Variants in RBM12B observed in about 807,000 individuals in gnomAD.
The protein encoded by RBM12B is RNA-binding protein 12B.
A neutral mutation model predicts 34.3 loss-of-function variants in RBM12B; 10 were observed. That is an observed-to-expected ratio of 0.29 (90% CI 0.18 to 0.49). RBM12B has a LOEUF of 0.49. RBM12B is among the 20% of genes least tolerant of loss of function. The pLI is 0.99. For missense variants in RBM12B, 1,139 were observed against 1,262.7 expected (o/e 0.90, Z 1.48); for synonymous variants, 477 against 437.1 (o/e 1.09, Z -1.14).
chr8:93,736,191 TAAGA>T lies in RBM12B; in HGVS notation c.216_219del (p.Phe72LeufsTer11). On this transcript the variant is annotated frameshift_variant, in exon 4 of 4. Transcript: ENST00000520560. LOFTEE classifies it high-confidence loss of function. Reference sequence around the variant, plus strand: ...GTCTTCTGCATTTCTGCCTTGCTACTAAGAAAGAGCTCTACAGATGAATCCTTGA... The same window carrying T: ...GTCTTCTGCATTTCTGCCTTGCTACTAAGAGCTCTACAGATGAATCCTTGA... 2 of 1,614,182 alleles carry T rather than the reference TAAGA, an allele frequency of 1.2e-6. No individual in the cohort carries two copies. The highest frequency in any genetic ancestry group is 1.1e-5 in the South Asian group (1 of 91,082).
chr8:93,734,465 T>C lies in RBM12B; in HGVS notation c.1946A>G (p.Glu649Gly). 1 of 1,605,696 alleles carries C rather than the reference T, an allele frequency of 6.2e-7. No individual in the cohort carries two copies. The highest frequency in any genetic ancestry group is 8.5e-7 in the Non-Finnish European group (1 of 1,174,696). ...PTEDFRQLPE[E>G]DFRQPPEEDL... The stretch of plus-strand genomic sequence containing the variant: ...CTCCTCAGGGGGTTGCCTGAAGTCC[T>C]CCTCGGGGAGCTGCCTGAAGTCCTC... The change falls in exon 4 of 4, where the codon GAG (glutamate) becomes GGG (glycine). Residue 649 changes from glutamate to glycine, a missense_variant. Physicochemically the swap from Glu to Gly is moderately conservative, Grantham distance 98. Around this residue, in one of 3 missense-constraint regions of RBM12B, gnomAD observed 863 missense variants for 869.5 expected, o/e 0.99. Coordinates refer to ENST00000520560, the MANE Select transcript of RBM12B (RefSeq NM_001377960.1).
Position 93,735,059 on chromosome 8 carries a change from T to G in RBM12B, c.1352A>C (p.Glu451Ala). The change falls in exon 4 of 4, where the codon GAA (glutamate) becomes GCA (alanine). Residue 451 changes from glutamate (E) to alanine (A), a missense_variant. Coordinates refer to ENST00000520560, the MANE Select transcript of RBM12B (RefSeq NM_001377960.1). The stretch of plus-strand genomic sequence containing the variant: ...ACGTTCAGCTTTCATGGCCTGTTCT[T>G]CTGATTTAAATTTCACTAATGCTTC... ...LGEALVKFKS[E>A]EQAMKAERLN... The G allele has an allele frequency of 2.5e-6, 4 of 1,614,186 alleles. No individual in the cohort carries two copies. The highest frequency in any genetic ancestry group is 3.4e-6 in the Non-Finnish European group (4 of 1,180,042).
Position 93,730,285 on chromosome 8 carries a change from G to T in RBM12B, c.*3120C>A, listed in dbSNP as rs1811737494. ...ACTTAACAGGTGATATATGGATCAA[G>T]AATCACTGCTCTTAACAGTGATCTC... On this transcript the variant is annotated 3_prime_UTR_variant, in exon 4 of 4. Coordinates refer to ENST00000520560, the MANE Select transcript of RBM12B (RefSeq NM_001377960.1). 1 of 152,172 alleles carries T rather than the reference G, an allele frequency of 6.6e-6. No homozygotes were observed. The allele number at this position is 152,172 out of a possible 1,614,324, so 9.4% of individuals were successfully genotyped here.
chr8:93,739,615 C>T (rs1483160442), intron 2 of RBM12B, among the ~76,000 whole-genome samples: 1 of 152,214 alleles, frequency 6.6e-6, no homozygotes, highest in Non-Finnish European at 1.5e-5. Context: ...CAACTCTTAA[C>T]ACACTAAATT....
chr8:93,736,242 T>C lies in RBM12B; in HGVS notation c.169A>G (p.Ile57Val), dbSNP rs369221222. ...FATDEDARRAISRSGGFIKDS... is the reference protein window; with the variant it reads ...FATDEDARRAVSRSGGFIKDS... ...TTGATAAACCCTCCTGAACGACTTA[T>C]GGCACGTCTTGCATCTTCATCTGTT... Residue 57 changes from isoleucine to valine, a missense_variant, in exon 4 of 4, where the codon ATA becomes GTA. Around this residue, in one of 3 missense-constraint regions of RBM12B, gnomAD observed 216 missense variants for 292.2 expected, o/e 0.74. Transcript: ENST00000520560. 1.0e-4 allele frequency: 161 copies of C among 1,614,094 alleles called. No individual in the cohort carries two copies. Among genetic ancestry groups the C allele is most frequent in the Non-Finnish European group, 1.3e-4 (156 of 1,180,040 alleles).
Position 93,735,682 on chromosome 8 carries a change from C to T in RBM12B, c.729G>A (p.Glu243=). ...WIEFGGNAVK[E]GDVLRRSEEH... is the part of the protein sequence containing the mutation. Reference sequence around the variant, plus strand: ...CTTCAGATCTCCTAAGAACGTCACCCTCCTTAACTGCATTACCACCAAACT... The same window carrying T: ...CTTCAGATCTCCTAAGAACGTCACCTTCCTTAACTGCATTACCACCAAACT... The change falls in exon 4 of 4, where the codon GAG becomes GAA. Residue 243 remains glutamate (E), a synonymous_variant. Coordinates refer to ENST00000520560, the MANE Select transcript of RBM12B (RefSeq NM_001377960.1). 2 of 1,614,094 alleles carry T rather than the reference C, an allele frequency of 1.2e-6. No individual in the cohort carries two copies. Among genetic ancestry groups the T allele is most frequent in the Non-Finnish European group, 8.5e-7 (1 of 1,180,016 alleles).
rs757912831 is a variant in RBM12B at position 93,734,191 on chromosome 8, CCGGAAATGCTCTGGGGGTGGCCGA to C, written c.2196_2219del (p.Pro776_Pro783del). 2.5e-5 allele frequency: 40 copies of C among 1,582,982 alleles called. No homozygotes were observed. The highest frequency in any genetic ancestry group is 1.5e-4 in the South Asian group (13 of 85,854). On this transcript the variant is annotated inframe_deletion, in exon 4 of 4. Coordinates refer to ENST00000520560, the MANE Select transcript of RBM12B (RefSeq NM_001377960.1). ...GCCTAAAATGCTCTGGAGGTGGTCT[CCGGAAATGCTCTGGGGGTGGCCGA>C]CGGAAATGCTCCTGAGGTGGCCTCC...
rs368230663 is a variant in RBM12B at position 93,734,073 on chromosome 8, G to A, written c.2338C>T (p.Arg780Trp). The change falls in exon 4 of 4, where the codon CGG (arginine) becomes TGG (tryptophan). Residue 780 changes from arginine to tryptophan, a missense_variant. Arg to Trp is a moderately radical substitution (Grantham distance 101). This residue lies in a region of RBM12B where 863 missense variants were observed against 869.5 expected (regional missense o/e 0.99). Transcript: ENST00000520560. ...CTGAAATGCTCCTGGGGCGGTCTCC[G>A]GAAGTGCTCCGGGGGCGGGCGCCTG... ...HFRRPPPEHFRRPPQEHFRRP... is the reference protein window; with the variant it reads ...HFRRPPPEHFWRPPQEHFRRP... 80 of 1,573,298 alleles carry A rather than the reference G, an allele frequency of 5.1e-5. No homozygotes were observed. The African/African-American group carries it at 7.9e-4, about 15-fold the overall frequency.
intron 2 of RBM12B, 134 bp downstream of exon 2, chr8:93,740,495 C>T (rs1394850840): frequency 6.6e-6 from 3 of 457,182 alleles, no homozygotes; most frequent in Non-Finnish European, 1.3e-5. Context: ...AAACATTCCA[C>T]CCTAACTCGC....
In RBM12B at chr8:93,735,618, G is replaced by A. The variant is rs1225295905; in HGVS notation, c.793C>T (p.Arg265Ter). 4 of 1,613,906 alleles carry A rather than the reference G, an allele frequency of 2.5e-6. No homozygotes were observed. The highest frequency in any genetic ancestry group is 1.7e-6 in the Non-Finnish European group (2 of 1,179,988). ...PPRGINDRHF[R>*]KRSHSKSPRR... ...GGAGATTTTGAATGAGACCGTTTTC[G>A]AAAATGTCTATCATTAATTCCTCTT... Residue 265 changes from arginine to a stop codon, truncating the protein, a stop_gained, in exon 4 of 4, where the codon CGA becomes TGA. Coordinates refer to ENST00000520560, the MANE Select transcript of RBM12B (RefSeq NM_001377960.1). LOFTEE classifies it high-confidence loss of function.
Position 93,734,163 on chromosome 8 carries a change from G to A in RBM12B, c.2248C>T (p.Pro750Ser). 1.3e-6 allele frequency: 2 copies of A among 1,570,746 alleles called. No homozygotes were observed. The highest frequency in any genetic ancestry group is 1.4e-5 in the African/African-American group (1 of 73,672). ...GGCCGCCGGAAGTGCTCTGGGGGAG[G>A]CCGCCTAAAATGCTCTGGAGGTGGT... ...RRPPPEHFRR[P>S]PPEHFRRPPP... Residue 750 changes from proline to serine, a missense_variant, in exon 4 of 4, where the codon CCT becomes TCT. Transcript: ENST00000520560.
rs1194297538 is a variant in RBM12B at position 93,735,286 on chromosome 8, T to C, written c.1125A>G (p.Ser375=). 5.0e-6 allele frequency: 8 copies of C among 1,613,938 alleles called. No individual in the cohort carries two copies. In the African/African-American group the frequency reaches 6.7e-5, roughly 13 times the overall value. The change falls in exon 4 of 4, where the codon TCA becomes TCG. Residue 375 remains serine (S), a synonymous_variant. Coordinates refer to ENST00000520560, the MANE Select transcript of RBM12B (RefSeq NM_001377960.1). ...KFIARYEKKR[S]GSLERDRPGH... is the part of the protein sequence containing the mutation. Reference sequence around the variant, plus strand: ...CGGGCCTATCTCTCTCTAGTGACCCTGATCTCTTCTTTTCATAACGTGCAA... The same window carrying C: ...CGGGCCTATCTCTCTCTAGTGACCCCGATCTCTTCTTTTCATAACGTGCAA...
chr8:93,740,376 G>C, intron 2 of RBM12B: 1 of 457,424 alleles, frequency 2.2e-6, no homozygotes, highest in Non-Finnish European at 4.4e-6. Flanking sequence ...CCAGGCCAAA[G>C]TTGCTACGTG....
rs1371635689 is a variant in RBM12B at position 93,732,006 on chromosome 8, TG to T, written c.*1398del. On this transcript the variant is annotated 3_prime_UTR_variant, in exon 4 of 4. Coordinates refer to ENST00000520560, the MANE Select transcript of RBM12B (RefSeq NM_001377960.1). ...AAGTGAGAAAATAATCATTTATCCT[TG>T]AAAGTATCTTTAGCATGGTCTTCCT... 1 of 152,506 alleles carries T rather than the reference TG, an allele frequency of 6.6e-6. No homozygotes were observed. The highest frequency in any genetic ancestry group is 6.5e-5 in the Admixed American group (1 of 15,270). The allele number at this position is 152,506 out of a possible 1,614,324, so 9.4% of individuals were successfully genotyped here.
At chr8:93,740,047 G>C in intron 2 of RBM12B, 1 of 292,856 alleles carries the variant, frequency 3.4e-6, no homozygotes, top group Non-Finnish European at 6.8e-6. Flanking sequence ...TTAACTCTGC[G>C]ACTACTTCGT....
At position 93,735,465 on chromosome 8, in the gene RBM12B, A is replaced by G. The variant is rs758487985; in HGVS notation, c.946T>C (p.Phe316Leu). ...GTDLTDEQIR[F>L]LYKDENRTRY... Reference sequence around the variant, plus strand: ...GTTCTATTTTCATCTTTATATAAAAACCTAATCTGTTCATCAGTCAGATCA... The same window carrying G: ...GTTCTATTTTCATCTTTATATAAAAGCCTAATCTGTTCATCAGTCAGATCA... The change falls in exon 4 of 4, where the codon TTT (phenylalanine) becomes CTT (leucine). Residue 316 changes from phenylalanine to leucine, a missense_variant. Physicochemically the swap from Phe to Leu is conservative, Grantham distance 22. Around this residue, in one of 3 missense-constraint regions of RBM12B, gnomAD observed 863 missense variants for 869.5 expected, o/e 0.99. Transcript: ENST00000520560. 1 of 1,613,472 alleles carries G rather than the reference A, an allele frequency of 6.2e-7. No homozygotes were observed. The highest frequency in any genetic ancestry group is 8.5e-7 in the Non-Finnish European group (1 of 1,179,764).
rs1405797042 is a variant in RBM12B, at chr8:93,735,577, A to G, written c.834T>C (p.Ser278=). 1.2e-6 allele frequency: 2 copies of G among 1,614,082 alleles called. No homozygotes were observed. ...GAACATAAAATCCAAGAGGGGAACG[A>G]GAACGTGTTCTTCTGGGAGATTTTG... ...SHSKSPRRTR[S]RSPLGFYVHL... is the part of the protein sequence containing the mutation. Residue 278 remains serine, a synonymous_variant, in exon 4 of 4, where the codon TCT becomes TCC. Transcript: ENST00000520560.
Position 93,735,996 on chromosome 8 carries a change from G to A in RBM12B, c.415C>T (p.His139Tyr). Residue 139 changes from histidine to tyrosine, a missense_variant, in exon 4 of 4, where the codon CAT becomes TAT. Coordinates refer to ENST00000520560, the MANE Select transcript of RBM12B (RefSeq NM_001377960.1). ...GTCTTTCTTGGCCTTAAATTACCAT[G>A]TCCTGTACCATTAGTATGAAACCCA... The part of the protein sequence containing the change: ...DAGFHTNGTG[H>Y]GNLRPRKTRP... 6.2e-7 allele frequency: 1 copy of A among 1,614,150 alleles called. No individual in the cohort carries two copies. Among genetic ancestry groups the A allele is most frequent in the Non-Finnish European group, 8.5e-7 (1 of 1,180,008 alleles).
Position 93,728,528 on chromosome 8 carries a change from T to G in RBM12B, c.*4877A>C. The G allele has an allele frequency of 2.8e-6, 1 of 354,874 alleles. No homozygotes were observed. The highest frequency in any genetic ancestry group is 5.1e-6 in the Non-Finnish European group (1 of 197,168). The allele number at this position is 354,874 out of a possible 1,614,324, so 22.0% of individuals were successfully genotyped here. ...ATGATTTTTGTGTAAGTGCCTTTTT[T>G]TTTAAAGATGGTGTATTTCAAAGTA... On this transcript the variant is annotated 3_prime_UTR_variant, in exon 4 of 4. Coordinates refer to ENST00000520560, the MANE Select transcript of RBM12B (RefSeq NM_001377960.1).
Sources: allele counts gnomAD v4.1 joint callset (sites outside exome capture counted in the v4.1 genomes callset), GRCh38; gene constraint gnomAD v4.1.1; regional missense constraint gnomAD v4.1.1; transcripts MANE v1.5; gene names NCBI Gene and HGNC (gene_info 2026-07-23, HGNC 2026-07-21).